SYTL3: variants seen among roughly 807,000 people sequenced by gnomAD.
SYTL3 encodes synaptotagmin-like protein 3.
In SYTL3, 88 loss-of-function variants were observed where a neutral mutation model predicts 82.1. That is an observed-to-expected ratio of 1.07 (90% confidence interval 0.90 to 1.28). The LOEUF is 1.28. SYTL3 is among the 50% of genes most tolerant of loss of function. SYTL3 has a pLI of 0.00. For synonymous variants in SYTL3, 311 were observed against 289.4 expected (o/e 1.07, Z -0.76); for missense variants, 831 against 757.6 (o/e 1.10, Z -1.14).
intron 8 of SYTL3, among the ~76,000 whole-genome samples, chr6:158,711,652 G>C (rs1212452086): frequency 1.3e-5 from 2 of 152,230 alleles, no homozygotes; most frequent in African/African-American, 2.4e-5. Flanking sequence ...AAGGAATAAA[G>C]AACGGCTACT....
intron 6 of SYTL3, among the ~76,000 whole-genome samples, chr6:158,696,042 C>T (rs1780520940): frequency 6.6e-6 from 1 of 152,126 alleles, no homozygotes; most frequent in Non-Finnish European, 1.5e-5. Flanking sequence ...TGTGTTTATA[C>T]TCAGAAGTGG....
intron 2 of SYTL3, among the ~76,000 whole-genome samples, chr6:158,659,761 C>T (rs1385419804): frequency 6.6e-6 from 1 of 152,130 alleles, no homozygotes; most frequent in Admixed American, 6.5e-5. Flanking sequence ...TTTTGCTTTG[C>T]CTTGGCTACC....
At chr6:158,717,439 T>A (rs1721103701) in intron 9 of SYTL3, among the ~76,000 whole-genome samples, 1 of 151,494 alleles carries the variant, frequency 6.6e-6, no homozygotes, top group Non-Finnish European at 1.5e-5. Context: ...AGGAGTGGGG[T>A]TCTCAAGGGA....
chr6:158,675,427 T>C (rs970647473), intron 5 of SYTL3, among the ~76,000 whole-genome samples: 5 of 152,242 alleles, frequency 3.3e-5, no homozygotes, highest in Admixed American at 6.5e-5. Flanking sequence ...CAGTCTTTTT[T>C]TTCCTGTAAG....
chr6:158,664,792 A>C (rs1330760354), intron 4 of SYTL3, among the ~76,000 whole-genome samples: 1 of 152,182 alleles, frequency 6.6e-6, no homozygotes, highest in Non-Finnish European at 1.5e-5. Flanking sequence ...TTCTACAAGT[A>C]GGTATCACAG....
chr6:158,734,122 AC>A (rs1375958503), intron 11 of SYTL3, among the ~76,000 whole-genome samples: 1 of 145,494 alleles, frequency 6.9e-6, no homozygotes, highest in Non-Finnish European at 1.5e-5. Flanking sequence ...AAAAAGAAGC[AC>A]CCTTTCTGCA....
intron 11 of SYTL3, among the ~76,000 whole-genome samples, chr6:158,739,248 A>G (rs1220851636): frequency 6.6e-6 from 1 of 152,128 alleles, no homozygotes; most frequent in Non-Finnish European, 1.5e-5. Flanking sequence ...TTTGGATTAA[A>G]CAAGTCTGGC....
chr6:158,743,341 A>G (rs1393156870), intron 11 of SYTL3, among the ~76,000 whole-genome samples: 1 of 152,196 alleles, frequency 6.6e-6, no homozygotes, highest in Non-Finnish European at 1.5e-5. Context: ...TGGCAGCTCT[A>G]CAATCTCTTG....
At chr6:158,717,382 C>A (rs971384735) in intron 9 of SYTL3, among the ~76,000 whole-genome samples, 4 of 151,720 alleles carry the variant, frequency 2.6e-5, no homozygotes, top group Non-Finnish European at 5.9e-5. Context: ...CATTGTCTCT[C>A]TGCCGGACAG....
intron 11 of SYTL3, among the ~76,000 whole-genome samples, chr6:158,727,288 C>G (rs1027402729): frequency 6.6e-6 from 1 of 152,160 alleles, no homozygotes; most frequent in Admixed American, 6.6e-5. Context: ...ATGGTCATGC[C>G]TGTCTCCTGA....
At chr6:158,671,120 G>GA (rs368728068) in intron 5 of SYTL3, among the ~76,000 whole-genome samples, 4 of 150,806 alleles carry the variant, frequency 2.7e-5, no homozygotes, top group South Asian at 2.1e-4. Context: ...GTACTTTTTA[G>GA]AAAAAAAAAG....
At position 158,745,666 on chromosome 6, in the gene SYTL3, G is replaced by T. The variant is rs375586356; in HGVS notation, c.1034+8G>T. On this transcript the variant is annotated splice_region_variant and intron_variant, in intron 12 of 17. Coordinates refer to ENST00000611299, the MANE Select transcript of SYTL3 (RefSeq NM_001242394.2). ...GAAGAAAAAGTGCAATCCGTAAGTT[G>T]TTTTTTTTAAGTTTAACATGAGACA... is the stretch of plus-strand genomic sequence containing the variant. The T allele has an allele frequency of 3.2e-6, 5 of 1,565,426 alleles. No individual in the cohort carries two copies. The highest frequency in any genetic ancestry group is 1.2e-5 in the South Asian group (1 of 83,660).
chr6:158,685,816 C>T (rs1779240042), intron 6 of SYTL3, among the ~76,000 whole-genome samples: 1 of 152,120 alleles, frequency 6.6e-6, no homozygotes, highest in South Asian at 2.1e-4. Context: ...GAAACTCCAT[C>T]TCAAAAACAA....
intron 6 of SYTL3, among the ~76,000 whole-genome samples, chr6:158,692,257 C>CAAAAAAAAAAAAA (rs571381475): frequency 3.1e-5 from 1 of 32,196 alleles, no homozygotes; most frequent in Non-Finnish European, 6.0e-5. Context: ...GACTCCGTCT[C>CAAAAAAAAAAAAA]AAAAAAAAAA....
rs559129329 is a variant in SYTL3 at position 158,710,982 on chromosome 6, C to T, written c.516+2591C>T. Among the ~76,000 whole-genome samples, 238 of 152,164 alleles carry T rather than the reference C, an allele frequency of 1.6e-3. 2 individuals carry two copies. The highest frequency in any genetic ancestry group is 2.5e-3 in the Non-Finnish European group (167 of 68,012). ...TATCTTCAGTAGAGACGGGGTTTCA[C>T]TATTGGCCAGGCTGCTTTTGACCTC... On this transcript the variant is annotated intron_variant, in intron 8 of 17. Transcript: ENST00000611299.
At chr6:158,701,229 T>TCTAGGGGAG (rs1247491011) in intron 6 of SYTL3, among the ~76,000 whole-genome samples, 498 of 39,792 alleles carry the variant, frequency 0.013, 10 homozygotes, top group African/African-American at 0.027. Flanking sequence ...TGAAGGAGTG[T>TCTAGGGGAG]GAGCTGGGGT....
intron 15 of SYTL3, 52 bp from the exon 16 acceptor site, chr6:158,762,024 A>G: frequency 7.4e-7 from 1 of 1,354,458 alleles, no homozygotes; most frequent in South Asian, 1.2e-5. Context: ...GGTACTGCAT[A>G]CTAACGTATC....
chr6:158,698,076 A>G (rs1191961167), intron 6 of SYTL3, among the ~76,000 whole-genome samples: 1 of 152,112 alleles, frequency 6.6e-6, no homozygotes, highest in Non-Finnish European at 1.5e-5. Flanking sequence ...TCTTAGCTCA[A>G]ATTTTCCTAA....
intron 11 of SYTL3, among the ~76,000 whole-genome samples, chr6:158,744,195 G>A (rs2128510397): frequency 6.6e-6 from 1 of 150,826 alleles, no homozygotes; most frequent in Non-Finnish European, 1.5e-5. Flanking sequence ...GGGATTACAA[G>A]GGTGAGCCAC....
Sources: gnomAD v4.1 joint callset for allele counts (sites outside exome capture counted in the v4.1 genomes callset) on GRCh38, gnomAD v4.1.1 for gene constraint, MANE v1.5 for transcripts, NCBI Gene and HGNC (gene_info 2026-07-23, HGNC 2026-07-21) for gene names.